Variants in LMNA observed in about 807,000 individuals in gnomAD.
LMNA encodes the protein lamin.
In LMNA, 20 loss-of-function variants were observed where a neutral mutation model predicts 70.4. The ratio of observed to expected loss-of-function variants is 0.28; its 90% confidence interval spans 0.20 to 0.41. The LOEUF (loss-of-function observed/expected upper bound fraction) is 0.41, where lower values mean the gene tolerates loss of function less well. LMNA is among the 10% of genes least tolerant of loss of function. LMNA has a pLI of 1.00. For synonymous variants in LMNA, 339 were observed against 372.8 expected, an observed-to-expected ratio of 0.91 and a Z score of 1.04; for missense variants, 652 against 917.2, an observed-to-expected ratio of 0.71 and a Z score of 3.73.
chr1:156,111,449 C>CA (rs5777973), upstream of LMNA, among the ~76,000 whole-genome samples: 529 of 119,638 alleles, frequency 4.4e-3, 2 homozygotes, highest in East Asian at 0.014. Context: ...AACTCTGTCT[C>CA]AAAAAAAAAA....
chr1:156,115,275 G>C lies in LMNA; in HGVS notation c.356+1G>C, dbSNP rs794728589. On this transcript the variant is annotated splice_donor_variant, in intron 1 of 11. Transcript: ENST00000368300. LOFTEE classifies it high-confidence loss of function. The surrounding 1 kb of genome is among the most constrained non-coding windows in gnomAD (Gnocchi z 5.8). Reference sequence around the variant, plus strand: ...AGGAGTTTAAGGAGCTGAAAGCGCGGTGAGTTCGCCCAGGTGGCTGCGTGC... The same window carrying C: ...AGGAGTTTAAGGAGCTGAAAGCGCGCTGAGTTCGCCCAGGTGGCTGCGTGC... 1 of 1,602,476 alleles carries C rather than the reference G, an allele frequency of 6.2e-7. No homozygotes were observed. Among genetic ancestry groups the C allele is most frequent in the Non-Finnish European group, 8.5e-7 (1 of 1,178,230 alleles).
At chr1:156,099,625 G>A (rs1025912410) in intron 3 of LMNA, among the ~76,000 whole-genome samples, 7 of 151,976 alleles carry the variant, frequency 4.6e-5, no homozygotes, top group South Asian at 2.1e-4. Flanking sequence ...GGCTCACACC[G>A]TAATCCTAGC....
chr1:156,114,978 G>A lies in LMNA; in HGVS notation c.60G>A (p.Pro20=), dbSNP rs1572331889. 1 of 1,594,150 alleles carries A rather than the reference G, an allele frequency of 6.3e-7. No homozygotes were observed. Among genetic ancestry groups the A allele is most frequent in the Non-Finnish European group, 8.5e-7 (1 of 1,170,886 alleles). The change falls in exon 1 of 12, where the codon CCG becomes CCA. Residue 20 remains proline (P), a synonymous_variant. Transcript: ENST00000368300. ...TRSGAQASST[P]LSPTRITRLQ... is the part of the protein sequence containing the mutation. ...GCGGGGCGCAGGCCAGCTCCACTCC[G>A]CTGTCGCCCACCCGCATCACCCGGC...
At chr1:156,093,298 A>AGTTTTT (rs1399858052) in intron 3 of LMNA, among the ~76,000 whole-genome samples, 2 of 137,224 alleles carry the variant, frequency 1.5e-5, no homozygotes, top group African/African-American at 2.8e-5. Flanking sequence ...TTTATATGTC[A>AGTTTTT]ATTTTTTTTT....
rs534069590 is a variant in LMNA, at chr1:156,114,879, G to C, written c.-40G>C. 7 of 1,419,120 alleles carry C rather than the reference G, an allele frequency of 4.9e-6. No homozygotes were observed. In the African/African-American group the frequency reaches 7.2e-5, roughly 15 times the overall value. The allele number at this position is 1,419,120 out of a possible 1,614,324, so 87.9% of individuals were successfully genotyped here. A position where few individuals can be genotyped will look rare whatever the true frequency, so the allele number is the denominator to read the frequency against. The stretch of plus-strand genomic sequence containing the variant: ...CGACCCGAGCCCCGCGCCCTTTCCG[G>C]GACCCCTGCCCCGCGGGCAGCGCTG... On this transcript the variant is annotated 5_prime_UTR_variant, in exon 1 of 12. Coordinates refer to ENST00000368300, the MANE Select transcript of LMNA (RefSeq NM_170707.4).
intron 3 of LMNA, among the ~76,000 whole-genome samples, chr1:156,100,006 G>A (rs575691616): frequency 1.3e-5 from 2 of 152,214 alleles, no homozygotes; most frequent in South Asian, 4.1e-4. Context: ...TGAGGGTTGA[G>A]ATCACTAGAT....
Position 156,103,815 on chromosome 1 carries a change from C to T in LMNA, c.-206-10898C>T, listed in dbSNP as rs1649223305. ...TGCTCTTTATCCCTCAACGCCCTCC[C>T]CTGCCCAAGGACCAGAGTAGGGAGT... is the stretch of plus-strand genomic sequence containing the variant. On this transcript the variant is annotated intron_variant, in intron 3 of 12. Transcript: ENST00000368301. The surrounding 1 kb of genome is among the most constrained non-coding windows in gnomAD (Gnocchi z 4.7). Among the ~76,000 whole-genome samples the T allele has an allele frequency of 3.3e-5, 5 of 152,180 alleles. No individual in the cohort carries two copies. Among genetic ancestry groups the T allele is most frequent in the Admixed American group, 3.3e-4 (5 of 15,286 alleles).
intron 2 of LMNA, among the ~76,000 whole-genome samples, chr1:156,087,355 G>T (rs987180881): frequency 2.0e-5 from 3 of 149,864 alleles, no homozygotes; most frequent in Non-Finnish European, 3.0e-5. Context: ...GCAGTTCTCT[G>T]CCTCAGCCTC....
At chr1:156,126,742 C>T in intron 1 of LMNA, 1 of 1,568,868 alleles carries the variant, frequency 6.4e-7, no homozygotes, top group East Asian at 2.3e-5. Context: ...TCAGATTTGC[C>T]AGTGATGGGA....
intron 1 of LMNA, among the ~76,000 whole-genome samples, chr1:156,129,383 C>T (rs944840367): frequency 1.8e-4 from 28 of 152,216 alleles, no homozygotes; most frequent in African/African-American, 6.8e-4. Flanking sequence ...CAAATCTAGC[C>T]TTCCCTATCC....
chr1:156,127,035 C>CT, intron 1 of LMNA: 1 of 1,009,642 alleles, frequency 9.9e-7, no homozygotes, highest in Non-Finnish European at 1.4e-6. Context: ...CCTGTCCTCC[C>CT]TGCCAACCCA....
Position 156,139,185 on chromosome 1 carries a change from G to C in LMNA, c.*79G>C, listed in dbSNP as rs7339. The C allele has an allele frequency of 0.089, 142,930 of 1,608,040 alleles. 11,643 individuals are homozygous for C. Among genetic ancestry groups the C allele is most frequent in the African/African-American group, 0.43 (32,083 of 74,730 alleles). On this transcript the variant is annotated 3_prime_UTR_variant, in exon 12 of 12. Coordinates refer to ENST00000368300, the MANE Select transcript of LMNA (RefSeq NM_170707.4). ...CTCATGCCCACCCCCTGCCCTGCAC[G>C]TCATGGGAGGGGGCTTGAAGCCAAA...
intron 1 of LMNA, among the ~76,000 whole-genome samples, chr1:156,120,987 G>A (rs977281453): frequency 1.3e-5 from 2 of 151,362 alleles, no homozygotes; most frequent in Non-Finnish European, 2.9e-5. Flanking sequence ...TGGGCCCTGG[G>A]CTTTATCTGA....
At chr1:156,105,093 CG>C (rs1649280987) in intron 3 of LMNA, among the ~76,000 whole-genome samples, 1 of 152,180 alleles carries the variant, frequency 6.6e-6, no homozygotes, top group Non-Finnish European at 1.5e-5. Context: ...CTGTCACTGA[CG>C]GAGAGCCCCT....
rs1327304421 is a variant in LMNA at position 156,134,729 on chromosome 1, G to C, written c.640-76G>C. ...CTCATGGAGTAGGGCTGGGCAGGGA[G>C]CCCCGCCCCTGGGTCTTGGCCTCCC... On this transcript the variant is annotated intron_variant, in intron 3 of 11. Coordinates refer to ENST00000368300, the MANE Select transcript of LMNA (RefSeq NM_170707.4). This position sits in a 1 kb window ranked among gnomAD's most constrained non-coding sequence, Gnocchi z 5.3. 6 of 1,595,628 alleles carry C rather than the reference G, an allele frequency of 3.8e-6. No individual in the cohort carries two copies. In the African/African-American group the frequency reaches 4.0e-5, roughly 11 times the overall value.
intron 2 of LMNA, among the ~76,000 whole-genome samples, chr1:156,133,805 G>T (rs56702163): frequency 6.6e-6 from 1 of 151,958 alleles, no homozygotes; most frequent in Non-Finnish European, 1.5e-5. Context: ...GTACATGCTT[G>T]TTTCTGCCCT....
intron 3 of LMNA, among the ~76,000 whole-genome samples, chr1:156,102,565 G>A (rs139955322): frequency 8.6e-4 from 131 of 152,244 alleles, no homozygotes; most frequent in East Asian, 3.5e-3. Flanking sequence ...CACCCGAGGC[G>A]TTCCACAGTG....
intron 2 of LMNA, among the ~76,000 whole-genome samples, chr1:156,088,941 C>T (rs560782924): frequency 1.3e-5 from 2 of 152,300 alleles, no homozygotes; most frequent in South Asian, 2.1e-4. Context: ...CGTGAGCCAC[C>T]GCACCCAGCC....
chr1:156,128,250 C>T (rs1333848926), intron 1 of LMNA, among the ~76,000 whole-genome samples: 1 of 152,024 alleles, frequency 6.6e-6, no homozygotes, highest in African/African-American at 2.4e-5. Flanking sequence ...CTGCCACCAC[C>T]GCTTTTGCAA....
Sources: gnomAD v4.1 joint callset for allele counts (sites outside exome capture counted in the v4.1 genomes callset) on GRCh38, gnomAD v4.1.1 for gene constraint, Gnocchi (gnomAD v3.1) non-coding constraint, MANE v1.5 for transcripts, NCBI Gene and HGNC (gene_info 2026-07-23, HGNC 2026-07-21) for gene names.